The following TENM2 variants were observed in gnomAD, a reference collection of about 807,000 sequenced individuals.
The protein encoded by TENM2 is teneurin transmembrane protein 2.
TENM2 carries 52 observed loss-of-function variants against 245.2 expected under a neutral mutation model. The ratio of observed to expected loss-of-function variants is 0.21; its 90% CI spans 0.17 to 0.27. The LOEUF (loss-of-function observed/expected upper bound fraction) is 0.27, where lower values mean the gene tolerates loss of function less well. Among genes scored for constraint, TENM2 ranks in the 10% least tolerant of loss-of-function variants. TENM2 has a pLI of 1.00. For synonymous variants in TENM2, 1,363 were observed against 1,438.9 expected (o/e 0.95, Z 1.19); for missense variants, 3,046 against 3,666.8 (o/e 0.83, Z 4.37).
At chr5:167,437,525 G>A (rs989387642) in intron 2 of TENM2, among the ~76,000 whole-genome samples, 1 of 152,102 alleles carries the variant, frequency 6.6e-6, no homozygotes, top group Non-Finnish European at 1.5e-5. Flanking sequence ...AAGATTTTGG[G>A]GGACTGTTGG....
At chr5:167,006,236 G>A in the TENM2 span, among the ~76,000 whole-genome samples, 443 of 152,176 alleles carry the variant, frequency 2.9e-3, 1 homozygote, top group Admixed American at 4.1e-3. Context: ...AGAATAAACA[G>A]ACACTAGATA....
At chr5:168,214,445 C>G (rs761869892) in intron 20 of TENM2, among the ~76,000 whole-genome samples, 6 of 152,202 alleles carry the variant, frequency 3.9e-5, no homozygotes, top group Non-Finnish European at 8.8e-5. Context: ...CAGCAAGATA[C>G]CCACATTTCT....
intron 2 of TENM2, among the ~76,000 whole-genome samples, chr5:167,751,179 G>A (rs1410163538): frequency 6.6e-6 from 1 of 152,128 alleles, no homozygotes; most frequent in Non-Finnish European, 1.5e-5. Flanking sequence ...GACCTTACAA[G>A]GTTTCATGGA....
chr5:168,253,518 C>T (rs1285615208), intron 27 of TENM2, among the ~76,000 whole-genome samples: 6 of 151,050 alleles, frequency 4.0e-5, no homozygotes, highest in East Asian at 2.0e-4. Context: ...CTCCGCCTCA[C>T]GGGTTCACAC....
chr5:168,198,579 G>A (rs1019674690), intron 15 of TENM2, among the ~76,000 whole-genome samples: 3 of 152,222 alleles, frequency 2.0e-5, no homozygotes, highest in African/African-American at 7.2e-5. Context: ...CTACACTCAT[G>A]ATGTTTCACT....
chr5:167,387,859 G>A (rs1329486818), intron 2 of TENM2, among the ~76,000 whole-genome samples: 2 of 152,098 alleles, frequency 1.3e-5, no homozygotes, highest in Non-Finnish European at 2.9e-5. Flanking sequence ...TGAATCCCTG[G>A]TATGAAACCC....
At chr5:166,994,503 T>C in the TENM2 span, among the ~76,000 whole-genome samples, 1 of 152,308 alleles carries the variant, frequency 6.6e-6, no homozygotes, top group East Asian at 1.9e-4. Context: ...AGTTATGCAT[T>C]TGAGTGCCTG....
Position 168,113,182 on chromosome 5 carries a change from T to TG in TENM2, c.1814-5108dup, listed in dbSNP as rs2034916097. ...ATTTTTTTTTTAAATTAGCTGGGCA[T>TG]GGTGGTGCACACCTGTGGTCCCAGA... is the stretch of plus-strand genomic sequence containing the variant. On this transcript the variant is annotated intron_variant, in intron 9 of 28. Transcript: ENST00000518659. Among the ~76,000 whole-genome samples the TG allele has an allele frequency of 3.3e-5, 5 of 152,152 alleles. No homozygotes were observed. In the South Asian group the frequency reaches 1.0e-3, roughly 32 times the overall value.
At chr5:168,112,525 T>C (rs560880768) in intron 9 of TENM2, among the ~76,000 whole-genome samples, 11 of 148,610 alleles carry the variant, frequency 7.4e-5, no homozygotes, top group African/African-American at 2.5e-4. Context: ...GCTCCATCCA[T>C]GTCCCTGCAA....
chr5:167,631,001 T>TTA (rs1778831462), intron 2 of TENM2, among the ~76,000 whole-genome samples: 1 of 152,200 alleles, frequency 6.6e-6, no homozygotes, highest in Non-Finnish European at 1.5e-5. Flanking sequence ...TATATGGTTG[T>TTA]TATATATATC....
intron 1 of TENM2, among the ~76,000 whole-genome samples, chr5:167,353,361 A>G (rs558715297): frequency 6.6e-6 from 1 of 152,184 alleles, no homozygotes; most frequent in South Asian, 2.1e-4. Flanking sequence ...ATTGCTTGAA[A>G]TAAAACCTGG....
chr5:167,494,972 C>T (rs1038830859), intron 2 of TENM2, among the ~76,000 whole-genome samples: 11 of 152,014 alleles, frequency 7.2e-5, no homozygotes, highest in African/African-American at 2.4e-4. Flanking sequence ...ATGGCATTTT[C>T]AATTCACAAA....
At chr5:168,061,739 A>T (rs968552850) in intron 6 of TENM2, among the ~76,000 whole-genome samples, 11 of 152,212 alleles carry the variant, frequency 7.2e-5, no homozygotes, top group African/African-American at 2.7e-4. Context: ...TAAGTTTTAC[A>T]TCCCAGTCAC....
intron 5 of TENM2, among the ~76,000 whole-genome samples, chr5:168,045,144 C>T (rs1034849833): frequency 3.9e-5 from 6 of 152,184 alleles, no homozygotes; most frequent in South Asian, 2.1e-4. Context: ...CCCTTCTCCA[C>T]CTCCATCTCA....
rs866173125 is a variant in TENM2 at position 167,640,687 on chromosome 5, C to T, written c.503-235299C>T. On this transcript the variant is annotated intron_variant, in intron 2 of 28. Coordinates refer to ENST00000518659, the Ensembl canonical transcript of TENM2. ...CCTTGCAATGATAATAATTAAGACC[C>T]GGATACCACTTAGTAACACAGTATA... Among the ~76,000 whole-genome samples, 36 of 150,120 alleles carry T rather than the reference C, an allele frequency of 2.4e-4. No individual in the cohort carries two copies. The South Asian group carries it at 3.0e-3, about 12-fold the overall frequency.
rs530470771 is a variant in TENM2 at position 167,443,240 on chromosome 5, G to A, written c.502+67767G>A. On this transcript the variant is annotated intron_variant, in intron 2 of 28. Coordinates refer to ENST00000518659, the Ensembl canonical transcript of TENM2. ...CAGAGAGTTGGCATGCAGTATGGCC[G>A]GCTTCCTCATGCACTTCATAATGCT... 4.6e-5 allele frequency among the ~76,000 whole-genome samples: 7 copies of A among 152,122 alleles called. No individual in the cohort carries two copies. The East Asian group carries it at 7.7e-4, about 17-fold the overall frequency.
intron 2 of TENM2, among the ~76,000 whole-genome samples, chr5:167,649,658 A>T (rs17068894): frequency 6.6e-6 from 1 of 152,124 alleles, no homozygotes; most frequent in African/African-American, 2.4e-5. Flanking sequence ...TGGAAAACAC[A>T]GACAGGAGTG....
chr5:168,199,788 A>G, intron 16 of TENM2, 76 bp from the exon 19 acceptor site: 2 of 1,485,880 alleles, frequency 1.3e-6, no homozygotes, highest in Middle Eastern at 2.3e-4. Context: ...GACATAGCAG[A>G]CAGACAGTAT....
the TENM2 span, among the ~76,000 whole-genome samples, chr5:167,268,873 CATAG>C: frequency 0.094 from 13,052 of 139,496 alleles, 594 homozygotes; most frequent in Middle Eastern, 0.13. Flanking sequence ...CCAAAAGATA[CATAG>C]ATAGATAGAT....
Sources: gnomAD v4.1 joint callset for allele counts (sites outside exome capture counted in the v4.1 genomes callset) on GRCh38, gnomAD v4.1.1 for gene constraint, MANE v1.5 for transcripts, NCBI Gene and HGNC (gene_info 2026-07-23, HGNC 2026-07-21) for gene names.